Variants in LETM1 observed in about 807,000 individuals in gnomAD.
The protein encoded by LETM1 is mitochondrial proton/calcium exchanger protein.
LETM1 carries 50 observed loss-of-function variants against 74.5 expected under a neutral mutation model. That is an observed-to-expected ratio of 0.67 (90% CI 0.53 to 0.85). The LOEUF (loss-of-function observed/expected upper bound fraction) is 0.85, where lower values mean the gene tolerates loss of function less well. LETM1 is among the 40% of genes least tolerant of loss of function. The pLI is 0.00. For synonymous variants in LETM1, 446 were observed against 407.1 expected, an observed-to-expected ratio of 1.10 and a Z score of -1.15; for missense variants, 824 against 967.8, an observed-to-expected ratio of 0.85 and a Z score of 1.97.
intron 7 of LETM1, among the ~76,000 whole-genome samples, chr4:1,823,984 G>A (rs999608927): frequency 3.3e-5 from 5 of 152,108 alleles, no homozygotes; most frequent in East Asian, 3.9e-4. Flanking sequence ...CCCCCACAGC[G>A]AGGACCCCAA....
At chr4:1,824,191 T>C (rs1372295768) in intron 7 of LETM1, among the ~76,000 whole-genome samples, 2 of 152,182 alleles carry the variant, frequency 1.3e-5, no homozygotes, top group African/African-American at 4.8e-5. Context: ...TATAGTGGTG[T>C]GCACCTGTAG....
At chr4:1,828,984 G>C (rs1712144410) in intron 6 of LETM1, among the ~76,000 whole-genome samples, 1 of 112,444 alleles carries the variant, frequency 8.9e-6, no homozygotes, top group Non-Finnish European at 1.9e-5. Flanking sequence ...TGGCCGGGCA[G>C]GGGGGCTGAC....
intron 5 of LETM1, chr4:1,833,348 C>T (rs1224192709): frequency 2.4e-5 from 6 of 253,554 alleles, no homozygotes; most frequent in South Asian, 5.0e-5. Context: ...CTTCTGACTC[C>T]GGTGCTGGGC....
At chr4:1,842,853 G>C (rs1425256154) in intron 2 of LETM1, among the ~76,000 whole-genome samples, 2 of 152,210 alleles carry the variant, frequency 1.3e-5, no homozygotes, top group Non-Finnish European at 2.9e-5. Context: ...TCTGACCGCA[G>C]CGTGGTGCCA....
chr4:1,826,448 C>G (rs1212741240), intron 6 of LETM1, among the ~76,000 whole-genome samples: 1 of 152,258 alleles, frequency 6.6e-6, no homozygotes, highest in Non-Finnish European at 1.5e-5. Flanking sequence ...GTCTCACCAG[C>G]AGCACTGCAA....
intron 1 of LETM1, among the ~76,000 whole-genome samples, chr4:1,851,704 G>A (rs555737150): frequency 1.6e-4 from 24 of 152,304 alleles, no homozygotes; most frequent in Middle Eastern, 3.4e-3. Flanking sequence ...AGGGCCCAGC[G>A]CATTCTCCGC....
intron 4 of LETM1, 23 bp from the exon 5 acceptor site, chr4:1,835,005 G>A (rs1189462187): frequency 3.7e-6 from 6 of 1,609,880 alleles, no homozygotes; most frequent in Non-Finnish European, 5.1e-6. Context: ...AGAGGGCACT[G>A]CATTCCAACT....
In LETM1 at chr4:1,836,299, C is replaced by T; in HGVS notation, c.738+130G>A. Reference sequence around the variant, plus strand: ...CAGCATCCACTAAATAATTATTGCACAGCACAAGGACAATATGAAGATACA... The same window carrying T: ...CAGCATCCACTAAATAATTATTGCATAGCACAAGGACAATATGAAGATACA... On this transcript the variant is annotated intron_variant, in intron 4 of 13. Transcript: ENST00000302787. The surrounding 1 kb of genome is among the most constrained non-coding windows in gnomAD (Gnocchi z 5.8). The T allele has an allele frequency of 1.3e-6, 1 of 789,704 alleles. No individual in the cohort carries two copies. Among genetic ancestry groups the T allele is most frequent in the Non-Finnish European group, 2.0e-6 (1 of 488,830 alleles). The allele number at this position is 789,704 out of a possible 1,614,324, so 48.9% of individuals were successfully genotyped here.
At chr4:1,837,318 C>T (rs992770933) in intron 3 of LETM1, among the ~76,000 whole-genome samples, 1 of 152,162 alleles carries the variant, frequency 6.6e-6, no homozygotes, top group Admixed American at 6.5e-5. Flanking sequence ...CCCGACCCCG[C>T]GCTCATTGAG....
In LETM1 at chr4:1,834,899, C is replaced by T. The variant is rs1577320301; in HGVS notation, c.822G>A (p.Lys274=). ...LQDTIEEMAL[K]NKAAKGSATK... is the part of the protein sequence containing the mutation. ...TGGCGCTGCCCTTGGCTGCCTTGTT[C>T]TTCAAGGCCATCTCCTCGATGGTGT... The change falls in exon 5 of 14, where the codon AAG becomes AAA. Residue 274 remains lysine, a synonymous_variant. Transcript: ENST00000302787. The surrounding 1 kb of genome is among the most constrained non-coding windows in gnomAD (Gnocchi z 5.0). 2 of 1,614,194 alleles carry T rather than the reference C, an allele frequency of 1.2e-6. No individual in the cohort carries two copies. Among genetic ancestry groups the T allele is most frequent in the South Asian group, 1.1e-5 (1 of 91,086 alleles).
intron 6 of LETM1, among the ~76,000 whole-genome samples, chr4:1,826,468 GC>G (rs1711990611): frequency 6.6e-6 from 1 of 152,204 alleles, no homozygotes; most frequent in Admixed American, 6.5e-5. Context: ...ATTAGCACAT[GC>G]CACCCACCCA....
In LETM1 at chr4:1,814,523, C is replaced by T. The variant is rs770066157; in HGVS notation, c.2121G>A (p.Val707=). Residue 707 remains valine (V), a synonymous_variant, in exon 14 of 14, where the codon GTG becomes GTA. Coordinates refer to ENST00000302787, the MANE Select transcript of LETM1 (RefSeq NM_012318.3). ...TTTCCAGTGTTGCTACAATCTCAGC[C>T]ACCTGGCTGGTGGAGATGTGAACAT... ...KEDVHISTSQ[V]AEIVATLEKE... 1.1e-5 allele frequency: 18 copies of T among 1,613,926 alleles called. No homozygotes were observed. Among genetic ancestry groups the T allele is most frequent in the African/African-American group, 2.7e-5 (2 of 74,950 alleles).
chr4:1,820,995 C>G (rs1366257550), intron 10 of LETM1, among the ~76,000 whole-genome samples: 7 of 152,034 alleles, frequency 4.6e-5, no homozygotes, highest in Non-Finnish European at 1.5e-5. Flanking sequence ...GCACTGCAGA[C>G]TGGGCAACAG....
At position 1,833,236 on chromosome 4, in the gene LETM1, A is replaced by T. The variant is rs576204401; in HGVS notation, c.877-289T>A. On this transcript the variant is annotated intron_variant, in intron 5 of 13. Transcript: ENST00000302787. The stretch of plus-strand genomic sequence containing the variant: ...ACAGGCTGCGCCACCACACCCAGCT[A>T]ATTTTTGTATTTTAGTAGAGATGGG... 94 of 405,988 alleles carry T rather than the reference A, an allele frequency of 2.3e-4. 2 individuals are homozygous for T. Among genetic ancestry groups the T allele is most frequent in the South Asian group, 2.1e-3 (87 of 40,960 alleles). 25.1% of individuals were successfully genotyped at this position (405,988 alleles called of 1,614,324 possible).
At position 1,823,022 on chromosome 4, in the gene LETM1, C is replaced by T. The variant is rs372283687; in HGVS notation, c.1442G>A (p.Arg481His). Residue 481 changes from arginine to histidine, a missense_variant, in exon 9 of 14, where the codon CGT becomes CAT. Arg to His is a conservative substitution (Grantham distance 29). This residue lies in a region of LETM1 where 172 missense variants were observed against 170.7 expected (regional missense o/e 1.01). Coordinates refer to ENST00000302787, the MANE Select transcript of LETM1 (RefSeq NM_012318.3). ...QEEAAIQQEH[R>H]EKELQKRSEV... is the part of the protein sequence containing the mutation. ...CGAGCGCTTCTGCAGCTCCTTCTCA[C>T]GGTGCTCCTGCTGGATGGCCGCCTC... is the stretch of plus-strand genomic sequence containing the variant. The T allele has an allele frequency of 6.3e-5, 102 of 1,607,342 alleles. 1 individual carries two copies. Among genetic ancestry groups the T allele is most frequent in the South Asian group, 1.9e-4 (17 of 90,492 alleles).
In LETM1 at chr4:1,834,039, T is replaced by A. The variant is rs1350433283; in HGVS notation, c.876+806A>T. 1.3e-5 allele frequency: 2 copies of A among 152,306 alleles called. No homozygotes were observed. Among genetic ancestry groups the A allele is most frequent in the East Asian group, 3.8e-4 (2 of 5,204 alleles). The allele number at this position is 152,306 out of a possible 1,614,324, so 9.4% of individuals were successfully genotyped here. A position where few individuals can be genotyped will look rare whatever the true frequency, so the allele number is the denominator to read the frequency against. ...CTCCCTGGGGGGCTCAGCAGCCCCATGGCTGTGTCGCCTCCTCCCGAGAGG... is the reference window on the plus strand; with the variant it reads ...CTCCCTGGGGGGCTCAGCAGCCCCAAGGCTGTGTCGCCTCCTCCCGAGAGG... On this transcript the variant is annotated intron_variant, in intron 5 of 13. Transcript: ENST00000302787. The surrounding 1 kb of genome is among the most constrained non-coding windows in gnomAD (Gnocchi z 5.0).
intron 1 of LETM1, among the ~76,000 whole-genome samples, chr4:1,850,937 C>CAAAA (rs562023023): frequency 3.7e-5 from 3 of 80,126 alleles, no homozygotes; most frequent in African/African-American, 1.2e-4. Flanking sequence ...CCATTGCACT[C>CAAAA]AAAAAAAAAA....
intron 3 of LETM1, among the ~76,000 whole-genome samples, chr4:1,840,034 C>T (rs1447199084): frequency 6.6e-6 from 1 of 152,186 alleles, no homozygotes; most frequent in African/African-American, 2.4e-5. Flanking sequence ...CCTCATGTAG[C>T]CCATAAATAC....
At chr4:1,831,682 G>A (rs1372583522) in intron 6 of LETM1, among the ~76,000 whole-genome samples, 3 of 152,208 alleles carry the variant, frequency 2.0e-5, no homozygotes, top group Admixed American at 1.3e-4. Flanking sequence ...CCCGGCAAGG[G>A]CGGGATACAG....
Sources: gnomAD v4.1 joint callset for allele counts (sites outside exome capture counted in the v4.1 genomes callset) on GRCh38, gnomAD v4.1.1 for gene constraint, gnomAD v4.1.1 regional missense constraint, Gnocchi (gnomAD v3.1) non-coding constraint, MANE v1.5 for transcripts, NCBI Gene and HGNC (gene_info 2026-07-23, HGNC 2026-07-21) for gene names.